BLOC1S3: variants seen among roughly 807,000 people sequenced by gnomAD.
The protein encoded by BLOC1S3 is biogenesis of lysosomal organelles complex 1 subunit 3.
Under a neutral mutation model 9.1 loss-of-function variants are expected in BLOC1S3, and 7 were observed. The observed-to-expected ratio is 0.77, with a 90% CI of 0.44 to 1.45. The LOEUF is 1.45. Among genes scored for constraint, BLOC1S3 ranks in the 40% most tolerant of loss-of-function variants. The probability of loss-of-function intolerance (pLI) is 0.01; values close to 1 mark genes in which losing one functional copy is unlikely to be tolerated. For synonymous variants in BLOC1S3, 145 were observed against 158.4 expected (o/e 0.92, Z 0.64); for missense variants, 307 against 315.2 (o/e 0.97, Z 0.20).
intron 3 of BLOC1S3, chr19:45,213,084 A>G (rs762641438): frequency 2.0e-6 from 3 of 1,506,886 alleles, no homozygotes; most frequent in Non-Finnish European, 2.6e-6. Context: ...GCTGGGCCCG[A>G]GGTCGCGCTA....
chr19:45,213,706 G>A (rs1376901478), intron 3 of BLOC1S3, among the ~76,000 whole-genome samples: 3 of 151,900 alleles, frequency 2.0e-5, no homozygotes, highest in Admixed American at 6.6e-5. Context: ...GCACTTTGGG[G>A]GGCCAAGGCA....
downstream of BLOC1S3, among the ~76,000 whole-genome samples, chr19:45,185,566 CAGAA>C (rs1969560592): frequency 6.6e-6 from 1 of 152,018 alleles, no homozygotes; most frequent in Non-Finnish European, 1.5e-5. Flanking sequence ...GCATTCAAGG[CAGAA>C]AGAATAGCAT....
intron 3 of BLOC1S3, among the ~76,000 whole-genome samples, chr19:45,211,358 A>G (rs1458077213): frequency 2.6e-5 from 4 of 151,344 alleles, no homozygotes; most frequent in South Asian, 2.1e-4. Flanking sequence ...TTAGCTGGGT[A>G]TGGTGGTGGT....
intron 3 of BLOC1S3, among the ~76,000 whole-genome samples, chr19:45,209,494 T>C (rs1466806766): frequency 6.6e-6 from 1 of 152,142 alleles, no homozygotes; most frequent in African/African-American, 2.4e-5. Flanking sequence ...CAATCTCGGC[T>C]CACTGCAAGC....
intron 3 of BLOC1S3, among the ~76,000 whole-genome samples, chr19:45,206,450 G>GTTTTTTTTGTTTTT (rs1969726492): frequency 1.8e-5 from 1 of 55,152 alleles, no homozygotes; most frequent in South Asian, 6.5e-4. Flanking sequence ...GATTAATCAA[G>GTTTTTTTTGTTTTT]TTTTTTTTTT....
At chr19:45,216,803 T>G (rs1048816059) in exon 4 of BLOC1S3, 2 of 152,124 alleles carry the variant, frequency 1.3e-5, no homozygotes, top group Non-Finnish European at 2.9e-5. Context: ...TTCTTACATC[T>G]GCATGTGAAT....
At chr19:45,189,138 AT>A (rs1264764250) in intron 2 of BLOC1S3, among the ~76,000 whole-genome samples, 2 of 151,342 alleles carry the variant, frequency 1.3e-5, no homozygotes, top group Non-Finnish European at 2.9e-5. Flanking sequence ...TTTTGTACCC[AT>A]TAACCATCCA....
At chr19:45,216,210 G>A (rs1357616901) in intron 3 of BLOC1S3, 1 of 1,612,820 alleles carries the variant, frequency 6.2e-7, no homozygotes, top group Admixed American at 1.7e-5. Context: ...GGGGAGGGAG[G>A]GTGCGGGGTC....
At position 45,179,126 on chromosome 19, in the gene BLOC1S3, A is replaced by G. The variant is rs1027873259; in HGVS notation, c.-9-162A>G. On this transcript the variant is annotated intron_variant, in intron 1 of 1. Transcript: ENST00000433642. This position sits in a 1 kb window ranked among gnomAD's most constrained non-coding sequence, Gnocchi z 4.6. ...AAGAGCCTGGGGTCCAGTAACCCCCATCATCACCCAGTTTACAGAAGAGGA... is the reference window on the plus strand; with the variant it reads ...AAGAGCCTGGGGTCCAGTAACCCCCGTCATCACCCAGTTTACAGAAGAGGA... The G allele has an allele frequency of 4.8e-5, 35 of 727,284 alleles. No homozygotes were observed. The highest frequency in any genetic ancestry group is 7.1e-5 in the Non-Finnish European group (35 of 491,428). 45.1% of individuals were successfully genotyped at this position (727,284 alleles called of 1,614,324 possible). A position where few individuals can be genotyped will look rare whatever the true frequency, so the allele number is the denominator to read the frequency against.
downstream of BLOC1S3, among the ~76,000 whole-genome samples, chr19:45,183,296 G>A (rs1461225710): frequency 3.3e-5 from 5 of 151,924 alleles, no homozygotes; most frequent in East Asian, 7.8e-4. Context: ...CCTGGCCAAC[G>A]TGGTGAAACC....
At chr19:45,192,595 C>T (rs1417795621) in intron 2 of BLOC1S3, among the ~76,000 whole-genome samples, 3 of 152,128 alleles carry the variant, frequency 2.0e-5, no homozygotes, top group African/African-American at 7.2e-5. Flanking sequence ...TGCCTGGGTA[C>T]TGCTGCTGAT....
downstream of BLOC1S3, among the ~76,000 whole-genome samples, chr19:45,186,207 C>G (rs913353920): frequency 5.9e-5 from 9 of 152,100 alleles, no homozygotes; most frequent in Admixed American, 3.3e-4. Context: ...TCCCCAGCAC[C>G]ACTAGCAAAG....
At chr19:45,204,324 G>T (rs1231102546) in intron 3 of BLOC1S3, among the ~76,000 whole-genome samples, 2 of 151,934 alleles carry the variant, frequency 1.3e-5, no homozygotes, top group East Asian at 3.9e-4. Flanking sequence ...CGAGTAGCTG[G>T]GATGACAGGC....
rs751772044 is a variant in BLOC1S3 at position 45,213,309 on chromosome 19, T to C, written n.283-3367T>C. The C allele has an allele frequency of 3.7e-6, 6 of 1,613,568 alleles. No homozygotes were observed. In the African/African-American group the frequency reaches 4.0e-5, roughly 11 times the overall value. ...CGGCCAGGATCTCCTGGCGGGCGGCTGTGTTGCGCAGGCCACGGATGTCGA... is the reference window on the plus strand; with the variant it reads ...CGGCCAGGATCTCCTGGCGGGCGGCCGTGTTGCGCAGGCCACGGATGTCGA... On this transcript the variant is annotated intron_variant and non_coding_transcript_variant, in intron 3 of 3. Coordinates refer to the BLOC1S3 transcript ENST00000591569.
chr19:45,186,452 C>A (rs889756553), downstream of BLOC1S3, among the ~76,000 whole-genome samples: 3 of 152,056 alleles, frequency 2.0e-5, no homozygotes, highest in African/African-American at 7.2e-5. Context: ...AGCCTGTAAT[C>A]CCAGTACTTT....
chr19:45,191,951 C>T (rs563246270), intron 2 of BLOC1S3, among the ~76,000 whole-genome samples: 1 of 152,274 alleles, frequency 6.6e-6, no homozygotes, highest in African/African-American at 2.4e-5. Context: ...CCACTGAAGG[C>T]CCTAGGGCTC....
In BLOC1S3 at chr19:45,179,684, G is replaced by A; in HGVS notation, c.388G>A (p.Gly130Ser). Residue 130 changes from glycine (G) to serine (S), a missense_variant, in exon 2 of 2, where the codon GGT becomes AGT. Transcript: ENST00000433642. This position sits in a 1 kb window ranked among gnomAD's most constrained non-coding sequence, Gnocchi z 4.6. ...LDHDVAAAVS[G>S]VYRRAGRDVA... ...CCACGACGTGGCGGCCGCCGTGAGC[G>A]GTGTCTACCGCCGTGCAGGCCGCGA... The A allele has an allele frequency of 1.4e-6, 2 of 1,466,548 alleles. No individual in the cohort carries two copies. The highest frequency in any genetic ancestry group is 1.8e-6 in the Non-Finnish European group (2 of 1,114,862). The allele number at this position is 1,466,548 out of a possible 1,614,324, so 90.8% of individuals were successfully genotyped here.
At chr19:45,195,145 GTGATCCACCCACCTC>G (rs1332798096) in intron 2 of BLOC1S3, among the ~76,000 whole-genome samples, 8 of 152,134 alleles carry the variant, frequency 5.3e-5, no homozygotes, top group Non-Finnish European at 7.4e-5. Flanking sequence ...CTGACCTCGT[GTGATCCACCCACCTC>G]TGCCTCCCAA....
chr19:45,216,011 C>T, intron 3 of BLOC1S3: 12 of 1,595,882 alleles, frequency 7.5e-6, no homozygotes, highest in Non-Finnish European at 1.0e-5. Context: ...GGGACGGATG[C>T]CAAGGCCGCC....
Sources: allele counts gnomAD v4.1 joint callset (sites outside exome capture counted in the v4.1 genomes callset), GRCh38; gene constraint gnomAD v4.1.1; non-coding constraint Gnocchi (gnomAD v3.1); transcripts MANE v1.5; gene names NCBI Gene and HGNC (gene_info 2026-07-23, HGNC 2026-07-21).